The following TDP1 variants were observed in gnomAD, a reference collection of about 807,000 sequenced individuals.
TDP1 encodes the protein tyr-DNA phosphodiesterase 1.
Under a neutral mutation model 81.5 loss-of-function variants are expected in TDP1, and 64 were observed. The ratio of observed to expected loss-of-function variants is 0.79; its 90% CI spans 0.64 to 0.97. The LOEUF is 0.97. Ranked by LOEUF, TDP1 falls within the 50% of genes least tolerant of loss-of-function variation. The pLI, the probability that TDP1 is intolerant of heterozygous loss-of-function variation, is 0.00. For synonymous variants in TDP1, 256 were observed against 264.3 expected (o/e 0.97, Z 0.30); for missense variants, 723 against 743.8 (o/e 0.97, Z 0.33).
chr14:90,010,932 G>A (rs891112603), intron 14 of TDP1, among the ~76,000 whole-genome samples: 1 of 152,180 alleles, frequency 6.6e-6, no homozygotes, highest in Non-Finnish European at 1.5e-5. Flanking sequence ...TGGGCTGGCT[G>A]TATCCCCACC....
Position 89,970,984 on chromosome 14 carries a change from C to T in TDP1, c.660-191C>T, listed in dbSNP as rs35992678. 0.01 allele frequency: 1,814 copies of T among 177,244 alleles called. 18 individuals are homozygous for T. The highest frequency in any genetic ancestry group is 0.019 in the Middle Eastern group (7 of 366). 11.0% of individuals were successfully genotyped at this position (177,244 alleles called of 1,614,324 possible). Reference sequence around the variant, plus strand: ...CCCAGAGTAGCTGGGATTACAGGCACGCACAACCATGCCTTGTCTAATTTT... The same window carrying T: ...CCCAGAGTAGCTGGGATTACAGGCATGCACAACCATGCCTTGTCTAATTTT... On this transcript the variant is annotated intron_variant, in intron 5 of 16. Coordinates refer to ENST00000335725, the MANE Select transcript of TDP1 (RefSeq NM_018319.4).
At chr14:89,977,608 A>G (rs1381038131) in intron 7 of TDP1, among the ~76,000 whole-genome samples, 1 of 152,238 alleles carries the variant, frequency 6.6e-6, no homozygotes, top group Non-Finnish European at 1.5e-5. Context: ...TATTTTTAAA[A>G]TGTTTTAAGA....
chr14:90,010,015 G>A (rs542821301), intron 14 of TDP1, among the ~76,000 whole-genome samples: 21 of 152,330 alleles, frequency 1.4e-4, no homozygotes, highest in Middle Eastern at 6.8e-3. Flanking sequence ...AAGTGAGAAC[G>A]CTAAAGCTAT....
intron 12 of TDP1, 165 bp from the exon 13 acceptor site, chr14:89,991,752 G>T (rs748935676): frequency 1.3e-6 from 1 of 778,810 alleles, no homozygotes; most frequent in Non-Finnish European, 1.6e-6. Context: ...AACATATCTA[G>T]TGCAACTATA....
chr14:89,995,244 G>T (rs1896565063), intron 14 of TDP1, among the ~76,000 whole-genome samples: 2 of 152,150 alleles, frequency 1.3e-5, no homozygotes. Flanking sequence ...ACTGTTCTGG[G>T]TGAGCAATCA....
intron 14 of TDP1, among the ~76,000 whole-genome samples, chr14:90,011,053 G>A (rs1019997445): frequency 6.6e-6 from 1 of 152,118 alleles, no homozygotes; most frequent in Admixed American, 6.5e-5. Context: ...TCTCATGATA[G>A]TGAATATGTC....
chr14:90,005,453 C>A (rs1019883134), intron 14 of TDP1, among the ~76,000 whole-genome samples: 1 of 152,198 alleles, frequency 6.6e-6, no homozygotes, highest in South Asian at 2.1e-4. Context: ...TCCCAAGGCC[C>A]ATTCTAACAA....
intron 15 of TDP1, among the ~76,000 whole-genome samples, chr14:90,023,569 G>A (rs1886330192): frequency 6.6e-6 from 1 of 152,198 alleles, no homozygotes; most frequent in Non-Finnish European, 1.5e-5. Flanking sequence ...AAAGGTACTT[G>A]AGGATATAGC....
At position 89,987,880 on chromosome 14, in the gene TDP1, T is replaced by C. The variant is rs528311971; in HGVS notation, c.1132-1025T>C. Among the ~76,000 whole-genome samples, 6 of 152,282 alleles carry C rather than the reference T, an allele frequency of 3.9e-5. No individual in the cohort carries two copies. In the East Asian group the frequency reaches 1.2e-3, roughly 29 times the overall value. ...AAAAAATAATTGAAAAAATACATTT[T>C]TTTTAAAGAAATATGGGGGTAGCCT... On this transcript the variant is annotated intron_variant, in intron 10 of 16. Coordinates refer to ENST00000335725, the MANE Select transcript of TDP1 (RefSeq NM_018319.4).
Position 89,994,879 on chromosome 14 carries a change from A to T in TDP1, c.1541+1396A>T, listed in dbSNP as rs34834436. On this transcript the variant is annotated intron_variant, in intron 14 of 16. Coordinates refer to ENST00000335725, the MANE Select transcript of TDP1 (RefSeq NM_018319.4). ...AGGCCATGGAGGTGGGAAAATACAC[A>T]GGATTTTCAGGGAAAATCTGAGTGA... Among the ~76,000 whole-genome samples the T allele has an allele frequency of 2.4e-3, 365 of 152,352 alleles. 1 individual carries two copies. Among genetic ancestry groups the T allele is most frequent in the African/African-American group, 8.1e-3 (335 of 41,582 alleles).
intron 11 of TDP1, 38 bp from the exon 12 acceptor site, chr14:89,989,679 G>A (rs1341644188): frequency 2.0e-6 from 3 of 1,500,750 alleles, no homozygotes; most frequent in African/African-American, 1.4e-5. Context: ...CTTCAACATG[G>A]TACATTCCGA....
intron 10 of TDP1, among the ~76,000 whole-genome samples, chr14:89,985,790 A>C (rs1034501786): frequency 3.9e-5 from 6 of 152,120 alleles, no homozygotes; most frequent in African/African-American, 1.4e-4. Context: ...GCATTTTGGG[A>C]GGCTGAGAGG....
chr14:90,012,129 G>C (rs1222628575), intron 14 of TDP1, among the ~76,000 whole-genome samples: 1 of 152,194 alleles, frequency 6.6e-6, no homozygotes, highest in African/African-American at 2.4e-5. Flanking sequence ...CATTGCTTCA[G>C]AGGGTGCAAG....
At chr14:90,018,876 G>C (rs904496264) in intron 14 of TDP1, 1 of 658,852 alleles carries the variant, frequency 1.5e-6, no homozygotes, top group East Asian at 1.4e-4. Context: ...GTAGAAATTA[G>C]CACTACCTGG....
At chr14:90,042,949 T>C in intron 16 of TDP1, 121 bp from the exon 17 acceptor site, 1 of 1,562,518 alleles carries the variant, frequency 6.4e-7, no homozygotes. Context: ...CTGGGCTTGG[T>C]TCAGAAAATA....
In TDP1 at chr14:89,963,576, T is replaced by A. The variant is rs1370550444; in HGVS notation, c.462T>A (p.Ile154=). The A allele has an allele frequency of 6.2e-7, 1 of 1,613,628 alleles. No homozygotes were observed. Among genetic ancestry groups the A allele is most frequent in the Non-Finnish European group, 8.5e-7 (1 of 1,179,824 alleles). Residue 154 remains isoleucine, a synonymous_variant, in exon 3 of 17, where the codon ATT becomes ATA. Transcript: ENST00000335725. The part of the protein sequence containing the change: ...EYETSGEGQD[I]WDMLDKGNPF... ...AGACATCAGGGGAGGGCCAGGACAT[T>A]TGGGACATGCTGGATAAAGGGAACC...
chr14:90,000,284 C>A (rs1003005066), intron 14 of TDP1, among the ~76,000 whole-genome samples: 1 of 152,192 alleles, frequency 6.6e-6, no homozygotes, highest in African/African-American at 2.4e-5. Flanking sequence ...TAATTGATAA[C>A]CAAATTATGC....
chr14:90,021,234 G>A (rs961977730), intron 15 of TDP1, among the ~76,000 whole-genome samples: 2 of 151,940 alleles, frequency 1.3e-5, no homozygotes, highest in Admixed American at 6.6e-5. Context: ...TTCTCTTTCT[G>A]TCTCAGTTTC....
intron 13 of TDP1, chr14:89,993,002 TCTAC>T: frequency 1.1e-6 from 1 of 938,096 alleles, no homozygotes; most frequent in Non-Finnish European, 1.3e-6. Flanking sequence ...TTGCTGAGCC[TCTAC>T]TCATAACACA....
Sources: gnomAD v4.1 joint callset for allele counts (sites outside exome capture counted in the v4.1 genomes callset) on GRCh38, gnomAD v4.1.1 for gene constraint, MANE v1.5 for transcripts, NCBI Gene and HGNC (gene_info 2026-07-23, HGNC 2026-07-21) for gene names.